The following MTUS2 variants were observed in gnomAD, a reference collection of about 807,000 sequenced individuals.
The protein encoded by MTUS2 is microtubule-associated tumor suppressor candidate 2.
MTUS2 carries 40 observed loss-of-function variants against 114.1 expected under a neutral mutation model. The observed-to-expected ratio is 0.35, with a 90% CI of 0.27 to 0.46. The LOEUF (loss-of-function observed/expected upper bound fraction) is 0.46. Among genes scored for constraint, MTUS2 ranks in the 20% least tolerant of loss-of-function variants. The probability of loss-of-function intolerance (pLI) is 1.00; values close to 1 mark genes in which losing one functional copy is unlikely to be tolerated. For synonymous variants in MTUS2, 688 were observed against 672.0 expected (o/e 1.02, Z -0.37); for missense variants, 1,679 against 1,705.4 (o/e 0.98, Z 0.27).
At chr13:28,990,275 G>A (rs2138332422) in intron 2 of MTUS2, among the ~76,000 whole-genome samples, 1 of 152,252 alleles carries the variant, frequency 6.6e-6, no homozygotes, top group African/African-American at 2.4e-5. Flanking sequence ...AGAGGATGGG[G>A]GATGGTATTG....
At chr13:29,467,649 T>C (rs1593477596) in intron 9 of MTUS2, among the ~76,000 whole-genome samples, 1 of 152,178 alleles carries the variant, frequency 6.6e-6, no homozygotes, top group East Asian at 1.9e-4. Flanking sequence ...TTGCAAAAAC[T>C]CATAATTATA....
intron 8 of MTUS2, among the ~76,000 whole-genome samples, chr13:29,434,086 A>G (rs1468699142): frequency 6.6e-6 from 1 of 152,222 alleles, no homozygotes. Flanking sequence ...CTTTGGGCTT[A>G]CGTGTATATT....
intron 9 of MTUS2, among the ~76,000 whole-genome samples, chr13:29,463,130 C>T (rs979775672): frequency 2.6e-5 from 4 of 152,064 alleles, no homozygotes; most frequent in Admixed American, 2.6e-4. Flanking sequence ...ACTGTTGGTG[C>T]ATCTGATGGA....
At chr13:29,219,584 C>T (rs1249887332) in intron 5 of MTUS2, among the ~76,000 whole-genome samples, 2 of 152,202 alleles carry the variant, frequency 1.3e-5, no homozygotes, top group Non-Finnish European at 2.9e-5. Flanking sequence ...GCTTTGAAGC[C>T]AGGCATTGAC....
intron 4 of MTUS2, among the ~76,000 whole-genome samples, chr13:29,055,011 T>C (rs1021055236): frequency 1.3e-5 from 2 of 152,120 alleles, no homozygotes; most frequent in African/African-American, 2.4e-5. Flanking sequence ...TCTGTGCTTA[T>C]GTTTGGTATA....
At chr13:29,085,724 A>G (rs1889663143) in intron 4 of MTUS2, among the ~76,000 whole-genome samples, 1 of 152,098 alleles carries the variant, frequency 6.6e-6, no homozygotes, top group South Asian at 2.1e-4. Flanking sequence ...TGTCTTTACT[A>G]TTGTGAATAG....
At position 29,129,210 on chromosome 13, in the gene MTUS2, C is replaced by G. The variant is rs564580477; in HGVS notation, c.2644+28240C>G. Among the ~76,000 whole-genome samples the G allele has an allele frequency of 2.6e-3, 387 of 148,216 alleles. 1 individual carries two copies. Among genetic ancestry groups the G allele is most frequent in the African/African-American group, 9.2e-3 (369 of 40,280 alleles). ...CAGTCTTTTTTTTTTTTTTTTTTCC[C>G]CATCCGGAATGACATTCCAGATTCA... On this transcript the variant is annotated intron_variant, in intron 5 of 15. Transcript: ENST00000612955.
intron 4 of MTUS2, among the ~76,000 whole-genome samples, chr13:29,068,109 G>C (rs1010793876): frequency 2.0e-5 from 3 of 152,244 alleles, no homozygotes; most frequent in Admixed American, 2.0e-4. Context: ...AAGAGAAGAT[G>C]GTCTTATTAT....
At chr13:28,962,080 T>C (rs1388442170) in intron 2 of MTUS2, among the ~76,000 whole-genome samples, 2 of 151,350 alleles carry the variant, frequency 1.3e-5, no homozygotes, top group African/African-American at 4.8e-5. Context: ...TTTTAAAATA[T>C]TCTCTATATA....
At chr13:29,375,994 CATATATGTGTGTGTGTGTGT>C (rs1460922120) in intron 8 of MTUS2, among the ~76,000 whole-genome samples, 2 of 14,580 alleles carry the variant, frequency 1.4e-4, no homozygotes, top group African/African-American at 2.0e-4. Context: ...GCTATTTAAA[CATATATGTGTGTGTGTGTGT>C]ATGTATGTGT....
chr13:29,125,580 G>T (rs112899795), intron 5 of MTUS2, among the ~76,000 whole-genome samples: 2,975 of 152,288 alleles, frequency 0.02, 104 homozygotes, highest in African/African-American at 0.068. Flanking sequence ...GTTTCATGCA[G>T]CCACTCCTGT....
At chr13:29,498,393 A>C (rs760263811) in intron 13 of MTUS2, 25 bp from the exon 14 acceptor site, 2 of 1,612,682 alleles carry the variant, frequency 1.2e-6, no homozygotes, top group African/African-American at 2.7e-5. Flanking sequence ...CCTGGTCAAC[A>C]GCTCATGGCT....
chr13:28,952,020 G>A (rs1345122645), intron 2 of MTUS2, among the ~76,000 whole-genome samples: 2 of 151,976 alleles, frequency 1.3e-5, no homozygotes, highest in African/African-American at 4.8e-5. Flanking sequence ...GTGTGGAAGT[G>A]CACCAGTGGC....
At chr13:29,064,749 C>T (rs1208478223) in intron 4 of MTUS2, among the ~76,000 whole-genome samples, 4 of 152,044 alleles carry the variant, frequency 2.6e-5, no homozygotes, top group Non-Finnish European at 5.9e-5. Flanking sequence ...TAATACCCTA[C>T]CCAATAGATA....
chr13:29,166,894 G>A (rs748908016), intron 5 of MTUS2, among the ~76,000 whole-genome samples: 1 of 151,984 alleles, frequency 6.6e-6, no homozygotes, highest in East Asian at 1.9e-4. Flanking sequence ...AATGTATTTC[G>A]GTTGCTTTTC....
At chr13:29,101,712 A>G (rs1890427109) in intron 5 of MTUS2, among the ~76,000 whole-genome samples, 1 of 152,224 alleles carries the variant, frequency 6.6e-6, no homozygotes, top group Non-Finnish European at 1.5e-5. Context: ...TGTTGTTTTC[A>G]AGACCTTGCC....
chr13:29,503,322 T>G lies in MTUS2; in HGVS notation c.*116T>G. On this transcript the variant is annotated 3_prime_UTR_variant, in exon 16 of 16. Transcript: ENST00000612955. ...TGTGCGCATGCTCAGTAGCTGCGAA[T>G]GCATCCTAGGCGCGTCCTCCTCTGA... The G allele has an allele frequency of 8.5e-7, 1 of 1,172,458 alleles. No individual in the cohort carries two copies. The highest frequency in any genetic ancestry group is 1.4e-5 in the South Asian group (1 of 73,566). The allele number at this position is 1,172,458 out of a possible 1,614,324, so 72.6% of individuals were successfully genotyped here.
Position 29,481,557 on chromosome 13 carries a change from C to G in MTUS2, c.3399+1193C>G, listed in dbSNP as rs572917484. Among the ~76,000 whole-genome samples, 4 of 152,240 alleles carry G rather than the reference C, an allele frequency of 2.6e-5. No individual in the cohort carries two copies. The East Asian group carries it at 7.7e-4, about 29-fold the overall frequency. On this transcript the variant is annotated intron_variant, in intron 10 of 15. Transcript: ENST00000612955. ...TCTCACTTGACATTCAGGTTAGTGT[C>G]GAGTGGCCTTCATTGTCCGAAACCC...
intron 2 of MTUS2, among the ~76,000 whole-genome samples, chr13:28,928,299 G>A (rs935926895): frequency 7.2e-5 from 11 of 152,122 alleles, no homozygotes; most frequent in African/African-American, 2.7e-4. Flanking sequence ...AGGGAAACAA[G>A]CAACATAGTG....
Sources: allele counts gnomAD v4.1 joint callset (sites outside exome capture counted in the v4.1 genomes callset), GRCh38; gene constraint gnomAD v4.1.1; transcripts MANE v1.5; gene names NCBI Gene and HGNC (gene_info 2026-07-23, HGNC 2026-07-21).